The following ITGA1 variants were observed in gnomAD, a reference collection of about 807,000 sequenced individuals.
ITGA1 encodes the protein integrin subunit alpha 1.
In ITGA1, 85 loss-of-function variants were observed where a neutral mutation model predicts 145.9. That is an observed-to-expected ratio of 0.58 (90% CI 0.49 to 0.70). The LOEUF is 0.70. ITGA1 is among the 30% of genes least tolerant of loss of function. The pLI, the probability that ITGA1 is intolerant of heterozygous loss-of-function variation, is 0.00. For synonymous variants in ITGA1, 520 were observed against 495.3 expected, an observed-to-expected ratio of 1.05 and a Z score of -0.66; for missense variants, 1,351 against 1,418.7, an observed-to-expected ratio of 0.95 and a Z score of 0.77.
At chr5:52,924,807 T>C (rs1750778996) in intron 18 of ITGA1, among the ~76,000 whole-genome samples, 1 of 152,116 alleles carries the variant, frequency 6.6e-6, no homozygotes, top group African/African-American at 2.4e-5. Flanking sequence ...GAGTTACATA[T>C]GGTGGTGGTG....
At chr5:52,920,987 G>GT (rs70974477) in intron 17 of ITGA1, among the ~76,000 whole-genome samples, 113 of 149,268 alleles carry the variant, frequency 7.6e-4, no homozygotes, top group Admixed American at 9.3e-4. Context: ...TGCTACTTCA[G>GT]TTTTTTTTTT....
chr5:52,836,009 G>T (rs1749156547), intron 1 of ITGA1, among the ~76,000 whole-genome samples: 1 of 152,070 alleles, frequency 6.6e-6, no homozygotes, highest in Non-Finnish European at 1.5e-5. Flanking sequence ...GATATCATTA[G>T]AAATAGATGT....
At chr5:52,869,433 TTACAGGC>T (rs1442844143) in intron 6 of ITGA1, among the ~76,000 whole-genome samples, 1 of 152,202 alleles carries the variant, frequency 6.6e-6, no homozygotes, top group Non-Finnish European at 1.5e-5. Flanking sequence ...GGTGCTGGGA[TTACAGGC>T]TTGAGCCACT....
intron 22 of ITGA1, 174 bp from the exon 23 acceptor site, chr5:52,933,720 T>G (rs1437104269): frequency 8.5e-6 from 3 of 354,086 alleles, no homozygotes; most frequent in Non-Finnish European, 1.6e-5. Flanking sequence ...ACATAATCCT[T>G]CTCACTCTCC....
chr5:52,802,005 A>T (rs1216556935), intron 1 of ITGA1: 1 of 561,304 alleles, frequency 1.8e-6, no homozygotes, highest in East Asian at 2.9e-5. Context: ...CAAGACATGT[A>T]TTTAAACAAT....
intron 8 of ITGA1, among the ~76,000 whole-genome samples, chr5:52,888,571 T>C: frequency 6.6e-6 from 1 of 152,234 alleles, no homozygotes; most frequent in East Asian, 1.9e-4. Context: ...TGAATTTTTG[T>C]TTTCTGATGC....
At chr5:52,927,921 GC>G in intron 20 of ITGA1, among the ~76,000 whole-genome samples, 1 of 152,098 alleles carries the variant, frequency 6.6e-6, no homozygotes, top group East Asian at 1.9e-4. Context: ...AGAGGGTGGA[GC>G]CCCCATGAGG....
At chr5:52,937,370 G>T in intron 23 of ITGA1, 31 bp from the exon 24 acceptor site, 1 of 1,378,826 alleles carries the variant, frequency 7.3e-7, no homozygotes, top group South Asian at 1.2e-5. Flanking sequence ...AAAAGAGGAA[G>T]AAAGATTACA....
intron 1 of ITGA1, chr5:52,801,139 G>C: frequency 6.4e-7 from 1 of 1,574,322 alleles, no homozygotes; most frequent in Non-Finnish European, 8.6e-7. Context: ...ATCTTACCCA[G>C]GGATAATTAA....
intron 2 of ITGA1, among the ~76,000 whole-genome samples, chr5:52,852,433 A>G (rs974159985): frequency 2.0e-5 from 3 of 152,196 alleles, no homozygotes; most frequent in African/African-American, 7.2e-5. Flanking sequence ...CAACTGGAAG[A>G]AAAAAGAAAG....
In ITGA1 at chr5:52,947,395, G is replaced by T. The variant is rs762977481; in HGVS notation, c.3429G>T (p.Trp1143Cys). The change falls in exon 28 of 29, where the codon TGG becomes TGT. Residue 1143 changes from tryptophan to cysteine, a missense_variant. Trp to Cys is a radical substitution (Grantham distance 215). Transcript: ENST00000282588. ...GGCTACCGGGCAGAGTGCCATTATG[G>T]GTCATCCTGCTGAGTGCTTTTGCCG... is the stretch of plus-strand genomic sequence containing the variant. The part of the protein sequence containing the change: ...KDGLPGRVPL[W>C]VILLSAFAGL... The T allele has an allele frequency of 6.2e-7, 1 of 1,613,528 alleles. No homozygotes were observed. Among genetic ancestry groups the T allele is most frequent in the African/African-American group, 1.3e-5 (1 of 74,868 alleles).
intron 1 of ITGA1, among the ~76,000 whole-genome samples, chr5:52,792,707 T>G (rs1372908817): frequency 6.6e-6 from 1 of 152,170 alleles, no homozygotes; most frequent in African/African-American, 2.4e-5. Flanking sequence ...TAAAATATAT[T>G]TAGAAAAGTT....
chr5:52,845,096 C>T (rs1322364131), intron 1 of ITGA1, among the ~76,000 whole-genome samples: 1 of 152,134 alleles, frequency 6.6e-6, no homozygotes, highest in African/African-American at 2.4e-5. Flanking sequence ...GTACAGCACA[C>T]ACCCCCAGAC....
At chr5:52,935,957 CTTTTTTTTTTTTT>C (rs763649629) in intron 23 of ITGA1, among the ~76,000 whole-genome samples, 2 of 9,548 alleles carry the variant, frequency 2.1e-4, no homozygotes, top group African/African-American at 6.0e-4. Flanking sequence ...CACAGGATTT[CTTTTTTTTTTTTT>C]TTTTTTTTTT....
At chr5:52,912,196 T>C (rs946808276) in intron 14 of ITGA1, among the ~76,000 whole-genome samples, 22 of 143,566 alleles carry the variant, frequency 1.5e-4, no homozygotes, top group Admixed American at 2.1e-4. Context: ...CTATATATAG[T>C]GTATCTAGTA....
At chr5:52,932,859 A>G (rs370839196) in intron 22 of ITGA1, 12 of 152,256 alleles carry the variant, frequency 7.9e-5, no homozygotes, top group Admixed American at 2.6e-4. Context: ...TGATAACACT[A>G]TGGTTCAAAT....
chr5:52,817,949 G>T (rs752472256), intron 1 of ITGA1, among the ~76,000 whole-genome samples: 48 of 152,254 alleles, frequency 3.2e-4, no homozygotes, highest in Admixed American at 7.9e-4. Context: ...ATCATGGTAT[G>T]GCAAAAGCAG....
rs1748952204 is a variant in ITGA1 at position 52,825,844 on chromosome 5, G to A, written c.62-23521G>A. On this transcript the variant is annotated intron_variant, in intron 1 of 28. Transcript: ENST00000282588. ...GAGGCAGGAGAATCGCTTGAACCAG[G>A]GAGTCAGAGGTTGCAGTCAGCTGAG... Among the ~76,000 whole-genome samples the A allele has an allele frequency of 1.3e-5, 2 of 151,726 alleles. 1 individual carries two copies. Among genetic ancestry groups the A allele is most frequent in the South Asian group, 4.1e-4 (2 of 4,820 alleles).
chr5:52,838,560 G>A (rs767846625), intron 1 of ITGA1, among the ~76,000 whole-genome samples: 23 of 151,992 alleles, frequency 1.5e-4, no homozygotes, highest in African/African-American at 4.4e-4. Context: ...TTATGAATCC[G>A]TATATTTTGC....
Sources: allele counts gnomAD v4.1 joint callset (sites outside exome capture counted in the v4.1 genomes callset), GRCh38; gene constraint gnomAD v4.1.1; transcripts MANE v1.5; gene names NCBI Gene and HGNC (gene_info 2026-07-23, HGNC 2026-07-21).